SV2C: variants seen among roughly 807,000 people sequenced by gnomAD.
SV2C encodes the protein solute carrier family 22 member B3.
A neutral mutation model predicts 79.7 loss-of-function variants in SV2C; 49 were observed. That is an observed-to-expected ratio of 0.61 (90% CI 0.49 to 0.78). The LOEUF is 0.78. Among genes scored for constraint, SV2C ranks in the 30% least tolerant of loss-of-function variants. SV2C has a pLI of 0.00. For missense variants in SV2C, 833 were observed against 912.9 expected (o/e 0.91, Z 1.13); for synonymous variants, 334 against 333.2 (o/e 1.00, Z -0.03).
intron 12 of SV2C, among the ~76,000 whole-genome samples, chr5:76,309,554 C>A (rs1238336740): frequency 7.3e-6 from 1 of 137,452 alleles, no homozygotes; most frequent in Non-Finnish European, 1.5e-5. Flanking sequence ...GAGCCGAGAT[C>A]GCACCACTGT....
Position 76,131,771 on chromosome 5 carries a change from T to C in SV2C, c.21T>C (p.Asp7=), listed in dbSNP as rs1748899123. MEDSYK[D]RTSLMKGAKD... ...ATAAGATGGAAGACTCTTACAAGGA[T>C]AGGACTTCACTGATGAAGGGTGCCA... is the stretch of plus-strand genomic sequence containing the variant. The change falls in exon 2 of 13, where the codon GAT becomes GAC. Residue 7 remains aspartate, a synonymous_variant. Transcript: ENST00000502798. The C allele has an allele frequency of 3.7e-6, 6 of 1,612,030 alleles. No individual in the cohort carries two copies. Among genetic ancestry groups the C allele is most frequent in the Non-Finnish European group, 4.2e-6 (5 of 1,178,974 alleles).
At chr5:76,215,801 G>A (rs543141962) in intron 4 of SV2C, among the ~76,000 whole-genome samples, 1 of 152,216 alleles carries the variant, frequency 6.6e-6, no homozygotes, top group African/African-American at 2.4e-5. Flanking sequence ...CTGGAGAGAA[G>A]GAATGGATAA....
chr5:76,191,195 C>T (rs562459880), intron 2 of SV2C, among the ~76,000 whole-genome samples: 2 of 150,334 alleles, frequency 1.3e-5, no homozygotes, highest in South Asian at 2.1e-4. Context: ...AGGTGCTACA[C>T]ACTTTTAAAC....
chr5:75,954,737 T>C, the SV2C span, among the ~76,000 whole-genome samples: 1 of 150,162 alleles, frequency 6.7e-6, no homozygotes, highest in Non-Finnish European at 1.5e-5. Context: ...ACAAGCATTC[T>C]TATACACAAA....
intron 1 of SV2C, among the ~76,000 whole-genome samples, chr5:76,113,893 T>C (rs1428187300): frequency 6.6e-6 from 1 of 152,034 alleles, no homozygotes; most frequent in East Asian, 1.9e-4. Context: ...TTCTAACGCA[T>C]AGATTTGTAC....
At chr5:76,258,649 G>GT (rs1561286999) in intron 4 of SV2C, among the ~76,000 whole-genome samples, 1 of 152,216 alleles carries the variant, frequency 6.6e-6, no homozygotes, top group East Asian at 1.9e-4. Context: ...TCTTGCTGCT[G>GT]TTTTTTTGTT....
chr5:76,073,503 G>GCATATATATA, the SV2C span, among the ~76,000 whole-genome samples: 5 of 67,412 alleles, frequency 7.4e-5, no homozygotes, highest in Non-Finnish European at 1.4e-4. Flanking sequence ...GTATGTGTGT[G>GCATATATATA]TATATATATA....
At chr5:76,005,381 C>T in the SV2C span, among the ~76,000 whole-genome samples, 44 of 152,254 alleles carry the variant, frequency 2.9e-4, no homozygotes, top group Admixed American at 2.6e-4. Context: ...TGCAAATATG[C>T]GCTCTTCTCA....
intron 4 of SV2C, among the ~76,000 whole-genome samples, chr5:76,272,046 G>A (rs1329137445): frequency 3.3e-5 from 5 of 152,146 alleles, no homozygotes; most frequent in Non-Finnish European, 7.4e-5. Flanking sequence ...CTAAGCAGCT[G>A]TTTCAATTGT....
chr5:76,239,367 T>A (rs1433776670), intron 4 of SV2C, among the ~76,000 whole-genome samples: 1 of 152,230 alleles, frequency 6.6e-6, no homozygotes, highest in Non-Finnish European at 1.5e-5. Flanking sequence ...ATGCTGTACT[T>A]GTGCTCTATT....
intron 4 of SV2C, among the ~76,000 whole-genome samples, chr5:76,213,357 T>C (rs1744824515): frequency 6.6e-6 from 1 of 152,250 alleles, no homozygotes; most frequent in Non-Finnish European, 1.5e-5. Flanking sequence ...AATGACATTC[T>C]ATATCTTGAG....
chr5:76,028,937 C>A, the SV2C span, among the ~76,000 whole-genome samples: 1 of 152,188 alleles, frequency 6.6e-6, no homozygotes, highest in Non-Finnish European at 1.5e-5. Context: ...AGACCTTGAG[C>A]TGCCAGAGAA....
chr5:76,126,218 C>G (rs1325343973), intron 1 of SV2C, among the ~76,000 whole-genome samples: 1 of 152,060 alleles, frequency 6.6e-6, no homozygotes, highest in Non-Finnish European at 1.5e-5. Flanking sequence ...ACTTAACTTG[C>G]AAGATGTGAT....
chr5:76,323,702 A>G (rs1748900077), intron 12 of SV2C, among the ~76,000 whole-genome samples: 1 of 152,272 alleles, frequency 6.6e-6, no homozygotes, highest in Non-Finnish European at 1.5e-5. Context: ...AATACTATGC[A>G]GCCATAAAAA....
chr5:75,923,386 A>C, the SV2C span, among the ~76,000 whole-genome samples: 1 of 152,228 alleles, frequency 6.6e-6, no homozygotes, highest in South Asian at 2.1e-4. Context: ...CTAAGACCCC[A>C]AAAGCAAATG....
At chr5:76,046,387 G>T in the SV2C span, among the ~76,000 whole-genome samples, 1 of 152,168 alleles carries the variant, frequency 6.6e-6, no homozygotes, top group South Asian at 2.1e-4. Context: ...TTCCCAGAAC[G>T]CTTCATGGAA....
chr5:75,912,439 G>A, the SV2C span, among the ~76,000 whole-genome samples: 1 of 152,100 alleles, frequency 6.6e-6, no homozygotes, highest in African/African-American at 2.4e-5. Context: ...GCTGCAGTGG[G>A]GTGGAGCGTT....
At chr5:76,077,409 C>G in the SV2C span, among the ~76,000 whole-genome samples, 10 of 152,142 alleles carry the variant, frequency 6.6e-5, no homozygotes, top group Non-Finnish European at 1.0e-4. Flanking sequence ...ACATATCAAC[C>G]AATTGCAATG....
intron 4 of SV2C, among the ~76,000 whole-genome samples, chr5:76,214,003 A>G (rs893563827): frequency 3.3e-5 from 5 of 152,162 alleles, no homozygotes; most frequent in African/African-American, 1.2e-4. Context: ...ACTTAACATA[A>G]TGCCTTCCAG....
Sources: gnomAD v4.1 joint callset for allele counts (sites outside exome capture counted in the v4.1 genomes callset) on GRCh38, gnomAD v4.1.1 for gene constraint, MANE v1.5 for transcripts, NCBI Gene and HGNC (gene_info 2026-07-23, HGNC 2026-07-21) for gene names.